Variants in MAPKAP1 observed in about 807,000 individuals in gnomAD.
MAPKAP1 encodes the protein MAPK associated protein 1, also known as target of rapamycin complex 2 subunit MAPKAP1.
Under a neutral mutation model 65.7 loss-of-function variants are expected in MAPKAP1, and 20 were observed. The observed-to-expected ratio is 0.30, with a 90% confidence interval of 0.21 to 0.44. The LOEUF is 0.44. Among genes scored for constraint, MAPKAP1 ranks in the 20% least tolerant of loss-of-function variants. MAPKAP1 has a pLI of 1.00. For missense variants in MAPKAP1, 423 were observed against 648.0 expected (o/e 0.65, Z 3.77); for synonymous variants, 222 against 244.3 (o/e 0.91, Z 0.85).
intron 3 of MAPKAP1, among the ~76,000 whole-genome samples, chr9:125,663,838 A>T (rs565601898): frequency 9.8e-5 from 15 of 152,294 alleles, no homozygotes; most frequent in African/African-American, 3.1e-4. Context: ...GTTATTTGCA[A>T]CTAAAAAGTC....
chr9:125,693,872 CATAT>C (rs1554844792), intron 1 of MAPKAP1, among the ~76,000 whole-genome samples: 7 of 147,170 alleles, frequency 4.8e-5, no homozygotes, highest in South Asian at 2.1e-4. Context: ...CACACACACA[CATAT>C]ATATATAGTT....
rs376088938 is a variant in MAPKAP1, at chr9:125,657,892, G to GGA, written c.350-95_350-94dup. 1.0e-3 allele frequency: 1,222 copies of GGA among 1,220,550 alleles called. 10 individuals are homozygous for GGA. The African/African-American group carries it at 0.016, about 16-fold the overall frequency. The allele number at this position is 1,220,550 out of a possible 1,614,324, so 75.6% of individuals were successfully genotyped here. On this transcript the variant is annotated intron_variant, in intron 3 of 11. Coordinates refer to ENST00000265960, the MANE Select transcript of MAPKAP1 (RefSeq NM_001006617.3). ...AAGTCTTCCTTAGAACCTTAAGGAA[G>GGA]GAGCATCCAGAGACATGTTCAGGTC...
intron 3 of MAPKAP1, among the ~76,000 whole-genome samples, chr9:125,660,904 GAAAAA>G (rs1360010670): frequency 6.6e-6 from 1 of 152,080 alleles, no homozygotes; most frequent in Non-Finnish European, 1.5e-5. Flanking sequence ...AGAATGAGGA[GAAAAA>G]TTGATAAACC....
intron 6 of MAPKAP1, among the ~76,000 whole-genome samples, chr9:125,546,447 G>A (rs766621335): frequency 1.1e-4 from 17 of 152,288 alleles, no homozygotes; most frequent in Non-Finnish European, 2.2e-4. Flanking sequence ...TTTCCAAAAC[G>A]TAAGAGCATA....
At chr9:125,706,425 G>A (rs574774308) in intron 1 of MAPKAP1, among the ~76,000 whole-genome samples, 48 of 151,394 alleles carry the variant, frequency 3.2e-4, no homozygotes, top group Non-Finnish European at 6.6e-4. Context: ...AGTCAATTTG[G>A]GGGTCTCTGG....
chr9:125,666,339 C>T (rs1834339512), intron 3 of MAPKAP1, among the ~76,000 whole-genome samples: 1 of 152,108 alleles, frequency 6.6e-6, no homozygotes, highest in African/African-American at 2.4e-5. Flanking sequence ...TGCCCTTATG[C>T]TGTGTCTTAA....
Position 125,518,781 on chromosome 9 carries a change from G to A in MAPKAP1, c.959-12364C>T, listed in dbSNP as rs564581202. Among the ~76,000 whole-genome samples the A allele has an allele frequency of 1.3e-3, 200 of 152,240 alleles. 1 individual carries two copies. Among genetic ancestry groups the A allele is most frequent in the Non-Finnish European group, 2.1e-3 (142 of 68,000 alleles). On this transcript the variant is annotated intron_variant, in intron 7 of 11. Coordinates refer to ENST00000265960, the MANE Select transcript of MAPKAP1 (RefSeq NM_001006617.3). The stretch of plus-strand genomic sequence containing the variant: ...GCTACATGTTAGTAAAGTAAAACCC[G>A]AATAAAATAAAAGCACCAAAACATA...
Position 125,480,829 on chromosome 9 carries a change from G to A in MAPKAP1, c.1207+3614C>T, listed in dbSNP as rs188096626. Among the ~76,000 whole-genome samples the A allele has an allele frequency of 1.7e-4, 26 of 151,786 alleles. 1 individual carries two copies. In the East Asian group the frequency reaches 3.3e-3, roughly 19 times the overall value. ...CTACTAAAAATACAAAAAATTAGCC[G>A]GGCGTGGTGGCAGGCGCCTGTAGTC... On this transcript the variant is annotated intron_variant, in intron 9 of 11. Transcript: ENST00000265960.
chr9:125,576,386 G>C (rs1831396962), intron 5 of MAPKAP1, among the ~76,000 whole-genome samples: 1 of 152,118 alleles, frequency 6.6e-6, no homozygotes, highest in Non-Finnish European at 1.5e-5. Flanking sequence ...GATATGTATG[G>C]GAACTCACTG....
At chr9:125,479,094 T>TCC (rs1854213456) in intron 9 of MAPKAP1, among the ~76,000 whole-genome samples, 1 of 152,166 alleles carries the variant, frequency 6.6e-6, no homozygotes, top group Non-Finnish European at 1.5e-5. Context: ...GGTGATAAAA[T>TCC]CAGTACTATC....
intron 4 of MAPKAP1, among the ~76,000 whole-genome samples, chr9:125,644,494 T>C (rs1354819342): frequency 6.6e-6 from 1 of 152,256 alleles, no homozygotes; most frequent in Non-Finnish European, 1.5e-5. Flanking sequence ...ATTAGCACCA[T>C]TAATGTAATA....
At chr9:125,635,253 C>T (rs1289907928) in intron 4 of MAPKAP1, among the ~76,000 whole-genome samples, 1 of 152,200 alleles carries the variant, frequency 6.6e-6, no homozygotes, top group Non-Finnish European at 1.5e-5. Flanking sequence ...TTAGAACAGA[C>T]CCATTCACCT....
At chr9:125,524,584 G>A (rs1463096283) in intron 7 of MAPKAP1, among the ~76,000 whole-genome samples, 1 of 152,168 alleles carries the variant, frequency 6.6e-6, no homozygotes, top group Non-Finnish European at 1.5e-5. Flanking sequence ...AAAACAAAAA[G>A]GTAAAAGCAA....
intron 8 of MAPKAP1, among the ~76,000 whole-genome samples, chr9:125,487,440 TTTAATGTTTTAAAAA>T (rs1355377640): frequency 9.7e-6 from 1 of 103,110 alleles, no homozygotes; most frequent in East Asian, 3.5e-4. Context: ...ATTAAAATCA[TTTAATGTTTTAAAAA>T]TCATTTCAAG....
intron 6 of MAPKAP1, among the ~76,000 whole-genome samples, chr9:125,557,617 T>C (rs781608278): frequency 4.0e-5 from 6 of 151,324 alleles, no homozygotes; most frequent in East Asian, 2.1e-4. Context: ...AAAAGGTATA[T>C]AGATAATGAC....
intron 8 of MAPKAP1, among the ~76,000 whole-genome samples, chr9:125,498,768 C>T (rs1391227117): frequency 9.9e-5 from 15 of 152,086 alleles, no homozygotes; most frequent in African/African-American, 2.2e-4. Context: ...CTGGGAGGTA[C>T]GCTGCTTCTA....
chr9:125,654,260 G>C (rs141478615), intron 4 of MAPKAP1, among the ~76,000 whole-genome samples: 2,100 of 152,248 alleles, frequency 0.014, 26 homozygotes, highest in Non-Finnish European at 0.023. Context: ...TTTTCCAATT[G>C]TCTCAACCTC....
intron 7 of MAPKAP1, chr9:125,521,878 C>T: frequency 1.1e-6 from 1 of 913,526 alleles, no homozygotes; most frequent in Non-Finnish European, 1.7e-6. Flanking sequence ...AAGCTTAGAG[C>T]CAATTGTTTT....
At position 125,486,045 on chromosome 9, in the gene MAPKAP1, A is replaced by G. The variant is rs139832873; in HGVS notation, c.1067-1462T>C. Among the ~76,000 whole-genome samples, 46 of 152,240 alleles carry G rather than the reference A, an allele frequency of 3.0e-4. 1 individual carries two copies. Among genetic ancestry groups the G allele is most frequent in the Middle Eastern group, 3.4e-3 (1 of 294 alleles). Reference sequence around the variant, plus strand: ...TCAGGAAAGTTTCTTACTCATTTTTATATCTTCTGCAAGCAGTAAAGGCAA... The same window carrying G: ...TCAGGAAAGTTTCTTACTCATTTTTGTATCTTCTGCAAGCAGTAAAGGCAA... On this transcript the variant is annotated intron_variant, in intron 8 of 11. Transcript: ENST00000265960.
Sources: allele counts gnomAD v4.1 joint callset (sites outside exome capture counted in the v4.1 genomes callset), GRCh38; gene constraint gnomAD v4.1.1; transcripts MANE v1.5; gene names NCBI Gene and HGNC (gene_info 2026-07-23, HGNC 2026-07-21).